PIK3C3: variants seen among roughly 807,000 people sequenced by gnomAD.
The protein encoded by PIK3C3 is PI3-kinase type 3.
Under a neutral mutation model 126.1 loss-of-function variants are expected in PIK3C3, and 95 were observed. The ratio of observed to expected loss-of-function variants is 0.75; its 90% confidence interval spans 0.64 to 0.89. The LOEUF is 0.89. PIK3C3 is among the 40% of genes least tolerant of loss of function. The pLI is 0.00. For synonymous variants in PIK3C3, 374 were observed against 360.0 expected, an observed-to-expected ratio of 1.04 and a Z score of -0.44; for missense variants, 829 against 1,063.2, an observed-to-expected ratio of 0.78 and a Z score of 3.06.
intron 13 of PIK3C3, among the ~76,000 whole-genome samples, chr18:42,021,951 A>G (rs1279248524): frequency 6.6e-6 from 1 of 152,196 alleles, no homozygotes; most frequent in African/African-American, 2.4e-5. Flanking sequence ...TTGAATAATG[A>G]TGAGGTATTT....
rs528293405 is a variant in PIK3C3 at position 41,994,744 on chromosome 18, A to G, written c.787-1146A>G. Among the ~76,000 whole-genome samples, 70 of 152,128 alleles carry G rather than the reference A, an allele frequency of 4.6e-4. 1 individual carries two copies. Among genetic ancestry groups the G allele is most frequent in the Admixed American group, 6.6e-5 (1 of 15,246 alleles). On this transcript the variant is annotated intron_variant, in intron 7 of 24. Transcript: ENST00000262039. Reference sequence around the variant, plus strand: ...ATGGATCTGTAATCTAAATGTTAGGAAATGAAACTAGGCCAAACATGGTGG... The same window carrying G: ...ATGGATCTGTAATCTAAATGTTAGGGAATGAAACTAGGCCAAACATGGTGG...
Position 42,022,404 on chromosome 18 carries a change from C to T in PIK3C3, c.1484+1699C>T, listed in dbSNP as rs191692835. ...TGTGGTGTTTGGTTTTCTGTCCTTG[C>T]GACAGTTTGCTCAGAGTGATGGTTT... On this transcript the variant is annotated intron_variant, in intron 13 of 24. Coordinates refer to ENST00000262039, the MANE Select transcript of PIK3C3 (RefSeq NM_002647.4). Among the ~76,000 whole-genome samples, 33 of 152,196 alleles carry T rather than the reference C, an allele frequency of 2.2e-4. No individual in the cohort carries two copies. In the East Asian group the frequency reaches 5.6e-3, roughly 26 times the overall value.
At chr18:42,058,119 G>A in intron 22 of PIK3C3, 68 bp downstream of exon 22, 3 of 1,347,676 alleles carry the variant, frequency 2.2e-6, no homozygotes, top group East Asian at 2.5e-5. Context: ...AAGAGAATTT[G>A]TTTAAATGTA....
chr18:42,057,667 C>T (rs2144505153), intron 21 of PIK3C3: 1 of 477,636 alleles, frequency 2.1e-6, no homozygotes, highest in Admixed American at 4.3e-5. Context: ...TGATTTTAGG[C>T]ATAGTTTCGT....
chr18:42,012,972 A>G (rs960587484), intron 10 of PIK3C3, among the ~76,000 whole-genome samples: 1 of 152,178 alleles, frequency 6.6e-6, no homozygotes, highest in Non-Finnish European at 1.5e-5. Context: ...TAGTCATTAA[A>G]CAGAAGTGCT....
Position 42,037,820 on chromosome 18 carries a change from G to C in PIK3C3, c.1968G>C (p.Lys656Asn). Residue 656 changes from lysine (K) to asparagine (N), a missense_variant and splice_region_variant, in exon 17 of 25, where the codon AAG becomes AAC. Lys to Asn is a moderately conservative substitution (Grantham distance 94, BLOSUM62 0). Coordinates refer to ENST00000262039, the MANE Select transcript of PIK3C3 (RefSeq NM_002647.4). Reference sequence around the variant, plus strand: ...TTCAAATCATTTCACTCATGGACAAGGTGAACATGACCTTATGTTGGTGGG... The same window carrying C: ...TTCAAATCATTTCACTCATGGACAACGTGAACATGACCTTATGTTGGTGGG... ...LILQIISLMD[K>N]LLRKENLDLK... is the part of the protein sequence containing the mutation. 6.2e-7 allele frequency: 1 copy of C among 1,607,260 alleles called. No homozygotes were observed.
chr18:42,013,404 C>A (rs766424705), intron 10 of PIK3C3, 38 bp from the exon 11 acceptor site: 1 of 1,249,632 alleles, frequency 8.0e-7, no homozygotes, highest in South Asian at 1.5e-5. Context: ...ATTTTGCATT[C>A]TTTTCCTAAT....
intron 21 of PIK3C3, chr18:42,053,048 C>G (rs542353076): frequency 6.6e-6 from 1 of 152,288 alleles, no homozygotes; most frequent in East Asian, 1.9e-4. Context: ...TCCACTGTTT[C>G]ATCTGTGTCC....
chr18:42,045,476 A>T (rs1984520655), intron 20 of PIK3C3, among the ~76,000 whole-genome samples: 1 of 152,174 alleles, frequency 6.6e-6, no homozygotes, highest in Non-Finnish European at 1.5e-5. Flanking sequence ...TTATTGGCAG[A>T]TTATACTGTC....
At chr18:42,009,371 T>A (rs1196122231) in intron 10 of PIK3C3, among the ~76,000 whole-genome samples, 1 of 152,176 alleles carries the variant, frequency 6.6e-6, no homozygotes, top group Non-Finnish European at 1.5e-5. Context: ...ATGACCTTTT[T>A]AAAAATTATT....
intron 4 of PIK3C3, among the ~76,000 whole-genome samples, chr18:41,984,449 T>G (rs1435696331): frequency 6.6e-6 from 1 of 151,990 alleles, no homozygotes; most frequent in Non-Finnish European, 1.5e-5. Context: ...TTTTATAAAA[T>G]TAATAAAAAA....
At chr18:41,955,393 C>T (rs186721861) in intron 1 of PIK3C3, 34 bp downstream of exon 1, 4 of 1,580,494 alleles carry the variant, frequency 2.5e-6, no homozygotes, top group African/African-American at 1.4e-5. Flanking sequence ...AGTGGGATTG[C>T]TGGGGCGTAG....
chr18:42,003,624 A>G (rs776608529), intron 9 of PIK3C3, among the ~76,000 whole-genome samples: 7 of 152,150 alleles, frequency 4.6e-5, no homozygotes, highest in Non-Finnish European at 8.8e-5. Flanking sequence ...TTGTGCAATG[A>G]GTGATATACT....
chr18:42,046,406 G>A (rs1018260527), intron 20 of PIK3C3, among the ~76,000 whole-genome samples: 2 of 152,162 alleles, frequency 1.3e-5, no homozygotes, highest in Non-Finnish European at 2.9e-5. Context: ...GCAGCTAAAT[G>A]TGGGAATACT....
At chr18:42,045,491 C>A (rs770857951) in intron 20 of PIK3C3, among the ~76,000 whole-genome samples, 7 of 152,180 alleles carry the variant, frequency 4.6e-5, no homozygotes, top group Non-Finnish European at 2.9e-5. Context: ...ACTGTCTTAG[C>A]TAGGCTTATT....
Position 42,000,352 on chromosome 18 carries a change from A to C in PIK3C3, c.984+3622A>C, listed in dbSNP as rs1982226972. 3.3e-5 allele frequency among the ~76,000 whole-genome samples: 5 copies of C among 152,254 alleles called. No homozygotes were observed. In the South Asian group the frequency reaches 1.0e-3, roughly 32 times the overall value. Reference sequence around the variant, plus strand: ...CAGGTGTGAGTCAGCACGCTGGCCTAACAAGTGATATTTTAAGGAGTACAA... The same window carrying C: ...CAGGTGTGAGTCAGCACGCTGGCCTCACAAGTGATATTTTAAGGAGTACAA... On this transcript the variant is annotated intron_variant, in intron 9 of 24. Coordinates refer to ENST00000262039, the MANE Select transcript of PIK3C3 (RefSeq NM_002647.4).
At chr18:42,035,520 C>G (rs1206321276) in intron 16 of PIK3C3, among the ~76,000 whole-genome samples, 1 of 152,110 alleles carries the variant, frequency 6.6e-6, no homozygotes, top group African/African-American at 2.4e-5. Context: ...TTTTTGACCT[C>G]AGTATTCAGT....
At chr18:41,977,175 G>T (rs1044326845) in intron 4 of PIK3C3, among the ~76,000 whole-genome samples, 2 of 152,098 alleles carry the variant, frequency 1.3e-5, no homozygotes, top group African/African-American at 4.8e-5. Context: ...ACATATCTAT[G>T]CTATGAAAGA....
At chr18:42,049,450 C>A in intron 20 of PIK3C3, 81 bp from the exon 21 acceptor site, 4 of 968,416 alleles carry the variant, frequency 4.1e-6, no homozygotes, top group Non-Finnish European at 6.3e-6. Context: ...ATTAAAGTTG[C>A]ACAAACTGCT....
Sources: allele counts gnomAD v4.1 joint callset (sites outside exome capture counted in the v4.1 genomes callset), GRCh38; gene constraint gnomAD v4.1.1; transcripts MANE v1.5; gene names NCBI Gene and HGNC (gene_info 2026-07-23, HGNC 2026-07-21).